Variants in EEFSEC observed in about 807,000 individuals in gnomAD.
EEFSEC encodes eukaryotic elongation factor, selenocysteine-tRNA specific.
EEFSEC carries 43 observed loss-of-function variants against 42.1 expected under a neutral mutation model. The ratio of observed to expected loss-of-function variants is 1.02; its 90% confidence interval spans 0.80 to 1.32. EEFSEC has a LOEUF of 1.32. Ranked by LOEUF, EEFSEC falls within the 40% of genes most tolerant of loss-of-function variation. The probability of loss-of-function intolerance (pLI) is 0.00; values close to 1 mark genes in which losing one functional copy is unlikely to be tolerated. For missense variants in EEFSEC, 745 were observed against 803.6 expected, an observed-to-expected ratio of 0.93 and a Z score of 0.88; for synonymous variants, 354 against 339.1, an observed-to-expected ratio of 1.04 and a Z score of -0.48.
chr3:128,324,127 G>A (rs1559920326), intron 4 of EEFSEC, among the ~76,000 whole-genome samples: 2 of 152,200 alleles, frequency 1.3e-5, no homozygotes, highest in East Asian at 1.9e-4. Context: ...TGGGAGTGGG[G>A]TGAATGCTAT....
At chr3:128,301,127 A>G (rs1465860316) in intron 4 of EEFSEC, among the ~76,000 whole-genome samples, 1 of 152,184 alleles carries the variant, frequency 6.6e-6, no homozygotes, top group Non-Finnish European at 1.5e-5. Flanking sequence ...AGGCTAGAGC[A>G]TGTGATATGT....
At chr3:128,364,489 A>G (rs1702122) in intron 6 of EEFSEC, among the ~76,000 whole-genome samples, 62,728 of 152,150 alleles carry the variant, frequency 0.41, 15,902 homozygotes, top group African/African-American at 0.71. Flanking sequence ...GCCAGTGGTC[A>G]GTCCAGCCTC....
At chr3:128,265,322 C>T (rs1316161510) in intron 4 of EEFSEC, among the ~76,000 whole-genome samples, 2 of 152,166 alleles carry the variant, frequency 1.3e-5, no homozygotes, top group African/African-American at 2.4e-5. Context: ...ACAGATGCCG[C>T]ATTATTCTTC....
At chr3:128,204,959 C>T (rs1175804413) in intron 1 of EEFSEC, among the ~76,000 whole-genome samples, 2 of 152,174 alleles carry the variant, frequency 1.3e-5, no homozygotes, top group African/African-American at 2.4e-5. Context: ...TTGTCTGCTG[C>T]GTGACGGGCT....
chr3:128,246,873 T>G lies in EEFSEC; in HGVS notation c.354T>G (p.Asp118Glu). The change falls in exon 2 of 7, where the codon GAT becomes GAG. Residue 118 changes from aspartate to glutamate, a missense_variant. Coordinates refer to ENST00000254730, the MANE Select transcript of EEFSEC (RefSeq NM_021937.5). ...QIIDLMMLVI[D>E]VTKGMQTQSA... is the part of the protein sequence containing the mutation. ...TTGATCTGATGATGCTGGTCATCGA[T>G]GTGACCAAGGGGATGCAGACCCAGT... 6.2e-7 allele frequency: 1 copy of G among 1,614,160 alleles called. No homozygotes were observed. Among genetic ancestry groups the G allele is most frequent in the Non-Finnish European group, 8.5e-7 (1 of 1,180,002 alleles).
At chr3:128,258,528 A>G (rs893192175) in intron 2 of EEFSEC, among the ~76,000 whole-genome samples, 1 of 152,172 alleles carries the variant, frequency 6.6e-6, no homozygotes, top group Non-Finnish European at 1.5e-5. Context: ...AGTCATGTGA[A>G]AGCATCTAGC....
intron 1 of EEFSEC, among the ~76,000 whole-genome samples, chr3:128,215,377 G>A (rs2065799531): frequency 6.6e-6 from 1 of 152,128 alleles, no homozygotes; most frequent in Non-Finnish European, 1.5e-5. Flanking sequence ...TAGTGTCTAT[G>A]TGACTTTGGA....
intron 6 of EEFSEC, among the ~76,000 whole-genome samples, chr3:128,381,247 C>G (rs1010356747): frequency 6.6e-6 from 1 of 152,168 alleles, no homozygotes; most frequent in African/African-American, 2.4e-5. Flanking sequence ...TGCCACCAGG[C>G]AGTTGGTTCA....
In EEFSEC at chr3:128,403,789, T is replaced by TTCC. The variant is rs527752590; in HGVS notation, c.1601-4258_1601-4256dup. 1.6e-3 allele frequency among the ~76,000 whole-genome samples: 241 copies of TTCC among 152,016 alleles called. 1 individual carries two copies. Among genetic ancestry groups the TTCC allele is most frequent in the Non-Finnish European group, 2.6e-3 (176 of 67,928 alleles). ...CCGTCATCTGGCCTTGGGTCCAGCA[T>TTCC]TCCTCCTCCTCCTCCTCCTCCTCCC... is the stretch of plus-strand genomic sequence containing the variant. On this transcript the variant is annotated intron_variant, in intron 6 of 6. Transcript: ENST00000254730.
At chr3:128,201,458 A>G (rs992106700) in intron 1 of EEFSEC, among the ~76,000 whole-genome samples, 1 of 151,636 alleles carries the variant, frequency 6.6e-6, no homozygotes, top group African/African-American at 2.4e-5. Context: ...CATTTCTCTG[A>G]TGACTAATAA....
rs1361291630 is a variant in EEFSEC at position 128,405,331 on chromosome 3, G to A, written c.1601-2738G>A. On this transcript the variant is annotated intron_variant, in intron 6 of 6. Coordinates refer to ENST00000254730, the MANE Select transcript of EEFSEC (RefSeq NM_021937.5). ...GTCACCTTTTTAAACATCTAGAGCT[G>A]CAGGGCCAGTGCACGATGCTCTCAC... 2.6e-5 allele frequency among the ~76,000 whole-genome samples: 4 copies of A among 152,146 alleles called. No homozygotes were observed. In the East Asian group the frequency reaches 7.7e-4, roughly 29 times the overall value.
the EEFSEC span, among the ~76,000 whole-genome samples, chr3:128,414,413 T>TG: frequency 5.0e-4 from 76 of 152,270 alleles, no homozygotes; most frequent in African/African-American, 1.6e-3. Context: ...GACCTTGAGC[T>TG]GGGGGTAGAG....
chr3:128,178,868 A>G (rs1179823958), intron 1 of EEFSEC, among the ~76,000 whole-genome samples: 2 of 152,214 alleles, frequency 1.3e-5, no homozygotes, highest in Admixed American at 1.3e-4. Flanking sequence ...TATTGTTGTT[A>G]CTGCTATTGA....
intron 6 of EEFSEC, among the ~76,000 whole-genome samples, chr3:128,360,671 T>G (rs1576670871): frequency 7.6e-6 from 1 of 131,536 alleles, no homozygotes; most frequent in African/African-American, 3.0e-5. Context: ...GGGGCGGGAG[T>G]GGAGGGAGCC....
At chr3:128,176,846 T>A (rs2065353104) in intron 1 of EEFSEC, among the ~76,000 whole-genome samples, 1 of 152,096 alleles carries the variant, frequency 6.6e-6, no homozygotes, top group Non-Finnish European at 1.5e-5. Context: ...TTAATAAACA[T>A]CATTACTATT....
intron 4 of EEFSEC, among the ~76,000 whole-genome samples, chr3:128,315,120 C>T (rs2066930868): frequency 6.6e-6 from 1 of 152,148 alleles, no homozygotes; most frequent in African/African-American, 2.4e-5. Flanking sequence ...ATCAATGCTA[C>T]CACTTCCTTG....
rs971095993 is a variant in EEFSEC at position 128,230,002 on chromosome 3, TTTTC to T, written c.317-16826_317-16823del. Among the ~76,000 whole-genome samples, 5 of 152,018 alleles carry T rather than the reference TTTTC, an allele frequency of 3.3e-5. No individual in the cohort carries two copies. In the East Asian group the frequency reaches 5.8e-4, roughly 18 times the overall value. ...TTCCTTTCATTCTCTTTCTTTTATT[TTTTC>T]TTTCTTTATCTCTCTTTTTCTTTTC... is the stretch of plus-strand genomic sequence containing the variant. On this transcript the variant is annotated intron_variant, in intron 1 of 6. Transcript: ENST00000254730.
At chr3:128,389,033 G>A (rs1489673903) in intron 6 of EEFSEC, among the ~76,000 whole-genome samples, 1 of 152,186 alleles carries the variant, frequency 6.6e-6, no homozygotes, top group Non-Finnish European at 1.5e-5. Context: ...CCACCTGAAG[G>A]GCAGTCTGTA....
chr3:128,267,288 G>A (rs1212361427), intron 4 of EEFSEC, among the ~76,000 whole-genome samples: 2 of 152,170 alleles, frequency 1.3e-5, no homozygotes, highest in Non-Finnish European at 2.9e-5. Context: ...TTATAAAGGT[G>A]GAACTTGCCT....
Sources: gnomAD v4.1 joint callset for allele counts (sites outside exome capture counted in the v4.1 genomes callset) on GRCh38, gnomAD v4.1.1 for gene constraint, MANE v1.5 for transcripts, NCBI Gene and HGNC (gene_info 2026-07-23, HGNC 2026-07-21) for gene names.